The following ULK4 variants were observed in gnomAD, a reference collection of about 807,000 sequenced individuals.
The protein encoded by ULK4 is inactive serine/threonine-protein kinase ULK4.
In ULK4, 133 loss-of-function variants were observed where a neutral mutation model predicts 160.6. The ratio of observed to expected loss-of-function variants is 0.83; its 90% CI spans 0.72 to 0.96. ULK4 has a LOEUF of 0.96. Among genes scored for constraint, ULK4 ranks in the 40% least tolerant of loss-of-function variants. ULK4 has a pLI of 0.00. For synonymous variants in ULK4, 534 were observed against 539.8 expected (o/e 0.99, Z 0.15); for missense variants, 1,580 against 1,499.5 (o/e 1.05, Z -0.89).
intron 32 of ULK4, among the ~76,000 whole-genome samples, chr3:41,523,152 G>A (rs1199063679): frequency 6.6e-6 from 1 of 151,938 alleles, no homozygotes; most frequent in African/African-American, 2.4e-5. Context: ...CAGGTGATCC[G>A]CCTGCCTCAG....
rs927863952 is a variant in ULK4, at chr3:41,366,546, G to T, written c.3678+31533C>A. The stretch of plus-strand genomic sequence containing the variant: ...CAAACACCTGTATTTGGAAAATATG[G>T]CTACACACACACACACACACACACA... On this transcript the variant is annotated intron_variant, in intron 35 of 36. Coordinates refer to ENST00000301831, the MANE Select transcript of ULK4 (RefSeq NM_017886.4). Among the ~76,000 whole-genome samples the T allele has an allele frequency of 2.3e-3, 289 of 125,134 alleles. 2 individuals are homozygous for T. The highest frequency in any genetic ancestry group is 0.01 in the African/African-American group (272 of 27,072). The allele number at this position is 125,134 out of a possible 152,430, so 82.1% of individuals were successfully genotyped here.
At chr3:41,824,475 C>T (rs2041270611) in intron 18 of ULK4, among the ~76,000 whole-genome samples, 1 of 152,124 alleles carries the variant, frequency 6.6e-6, no homozygotes, top group Non-Finnish European at 1.5e-5. Context: ...CCTAATACTG[C>T]ACTTTTCCAA....
rs138378776 is a variant in ULK4, at chr3:41,933,686, A to T, written c.379-1680T>A. The stretch of plus-strand genomic sequence containing the variant: ...CACTGCCTTGTACAGCTATGAACTA[A>T]GAGTGTTGGATTTTTTTTTTAAGCC... On this transcript the variant is annotated intron_variant, in intron 4 of 36. Coordinates refer to ENST00000301831, the MANE Select transcript of ULK4 (RefSeq NM_017886.4). 4.0e-4 allele frequency among the ~76,000 whole-genome samples: 61 copies of T among 151,320 alleles called. No individual in the cohort carries two copies. The East Asian group carries it at 0.012, about 29-fold the overall frequency.
rs573061739 is a variant in ULK4 at position 41,679,091 on chromosome 3, C to T, written c.2978+2417G>A. Among the ~76,000 whole-genome samples the T allele has an allele frequency of 2.6e-5, 4 of 152,150 alleles. No individual in the cohort carries two copies. The South Asian group carries it at 6.2e-4, about 24-fold the overall frequency. Reference sequence around the variant, plus strand: ...ATCTATTGAGCCCTTACTATATATGCCAGGAAGGCACAATAAGCATTATAC... The same window carrying T: ...ATCTATTGAGCCCTTACTATATATGTCAGGAAGGCACAATAAGCATTATAC... On this transcript the variant is annotated intron_variant, in intron 29 of 36. Coordinates refer to ENST00000301831, the MANE Select transcript of ULK4 (RefSeq NM_017886.4).
rs192906270 is a variant in ULK4 at position 41,358,880 on chromosome 3, G to A, written c.3678+39199C>T. 3.3e-4 allele frequency among the ~76,000 whole-genome samples: 51 copies of A among 152,276 alleles called. 1 individual carries two copies. Among genetic ancestry groups the A allele is most frequent in the African/African-American group, 1.0e-3 (42 of 41,562 alleles). The stretch of plus-strand genomic sequence containing the variant: ...TGGGGTGGGGGTGAGGGGCAATGGT[G>A]GAAGCAGGAAGACAAGGCAGTTACA... On this transcript the variant is annotated intron_variant, in intron 35 of 36. Transcript: ENST00000301831.
intron 32 of ULK4, among the ~76,000 whole-genome samples, chr3:41,493,227 T>A (rs1049614997): frequency 1.4e-5 from 2 of 145,178 alleles, no homozygotes; most frequent in Non-Finnish European, 3.0e-5. Context: ...TAACAAACTG[T>A]CTCTCAGACC....
At chr3:41,369,686 C>T (rs1014088207) in intron 35 of ULK4, among the ~76,000 whole-genome samples, 2 of 151,058 alleles carry the variant, frequency 1.3e-5, no homozygotes, top group African/African-American at 4.9e-5. Flanking sequence ...GCTAGCTACT[C>T]AGGAGGCTGA....
intron 32 of ULK4, among the ~76,000 whole-genome samples, chr3:41,476,088 A>T (rs1326004355): frequency 1.4e-5 from 2 of 145,628 alleles, no homozygotes; most frequent in Non-Finnish European, 3.0e-5. Flanking sequence ...GGAGGGAGGG[A>T]GGGCAAGCAG....
chr3:41,366,725 T>C (rs2081261380), intron 35 of ULK4, among the ~76,000 whole-genome samples: 2 of 152,216 alleles, frequency 1.3e-5, no homozygotes, highest in South Asian at 4.1e-4. Context: ...AATATGCAAA[T>C]TGCTTTCATG....
intron 32 of ULK4, among the ~76,000 whole-genome samples, chr3:41,508,682 C>G (rs2085476193): frequency 6.6e-6 from 1 of 152,092 alleles, no homozygotes; most frequent in African/African-American, 2.4e-5. Context: ...CAGCCCTGAG[C>G]CCAGTAGCTC....
intron 35 of ULK4, among the ~76,000 whole-genome samples, chr3:41,349,539 G>A (rs1300995045): frequency 1.3e-5 from 2 of 152,122 alleles, no homozygotes; most frequent in Non-Finnish European, 2.9e-5. Flanking sequence ...AACATTTTAT[G>A]GGCAGACGCA....
chr3:41,429,789 C>G (rs1337470766), intron 34 of ULK4, among the ~76,000 whole-genome samples: 1 of 152,050 alleles, frequency 6.6e-6, no homozygotes, highest in Non-Finnish European at 1.5e-5. Flanking sequence ...ATAGCTAATG[C>G]ATGCTGGCTG....
At chr3:41,500,060 C>A (rs2085139154) in intron 32 of ULK4, among the ~76,000 whole-genome samples, 1 of 150,448 alleles carries the variant, frequency 6.6e-6, no homozygotes, top group South Asian at 2.1e-4. Context: ...TTATTTGTAC[C>A]TTCTCTCATT....
At chr3:41,900,050 T>TG (rs1319535414) in intron 13 of ULK4, among the ~76,000 whole-genome samples, 1 of 152,184 alleles carries the variant, frequency 6.6e-6, no homozygotes, top group Admixed American at 6.5e-5. Flanking sequence ...GTGAGTATGT[T>TG]GGGGAGCTGG....
intron 30 of ULK4, among the ~76,000 whole-genome samples, chr3:41,657,818 T>TAAGAAAAAAAAAAAAAAAAAAA (rs2034996345): frequency 1.0e-5 from 1 of 99,760 alleles, no homozygotes; most frequent in Non-Finnish European, 1.8e-5. Flanking sequence ...TCCATCTCAT[T>TAAGAAAAAAAAAAAAAAAAAAA]AAAAAAAAAA....
Position 41,819,400 on chromosome 3 carries a change from A to G in ULK4, c.1848+23T>C, listed in dbSNP as rs1225262742. 3.1e-6 allele frequency: 5 copies of G among 1,607,168 alleles called. No individual in the cohort carries two copies. In the Admixed American group the frequency reaches 8.6e-5, roughly 28 times the overall value. On this transcript the variant is annotated intron_variant, in intron 19 of 36. Transcript: ENST00000301831. ...GGTTATTACAATTGCCAGCATCTAC[A>G]GAGGACAACAAAGGAGCCTTACCCC...
chr3:41,338,831 G>A (rs1363990683), intron 35 of ULK4, among the ~76,000 whole-genome samples: 1 of 151,866 alleles, frequency 6.6e-6, no homozygotes, highest in African/African-American at 2.4e-5. Flanking sequence ...CTGAAGGCCT[G>A]AGAACCAGGA....
chr3:41,619,791 G>C (rs1207403552), intron 30 of ULK4, among the ~76,000 whole-genome samples: 4 of 152,122 alleles, frequency 2.6e-5, no homozygotes, highest in Admixed American at 2.6e-4. Context: ...AAGAGATGGA[G>C]ACACGAAAAA....
chr3:41,437,608 G>C (rs1199162809), intron 34 of ULK4, among the ~76,000 whole-genome samples: 1 of 152,108 alleles, frequency 6.6e-6, no homozygotes, highest in African/African-American at 2.4e-5. Context: ...CAGGTCCCTT[G>C]AGTAAAAGTT....
Sources: gnomAD v4.1 joint callset for allele counts (sites outside exome capture counted in the v4.1 genomes callset) on GRCh38, gnomAD v4.1.1 for gene constraint, MANE v1.5 for transcripts, NCBI Gene and HGNC (gene_info 2026-07-23, HGNC 2026-07-21) for gene names.